ARHGAP23: variants seen among roughly 807,000 people sequenced by gnomAD.
ARHGAP23 encodes the protein rho GTPase-activating protein 23.
A neutral mutation model predicts 136.3 loss-of-function variants in ARHGAP23; 34 were observed. The observed-to-expected ratio is 0.25, with a 90% confidence interval of 0.19 to 0.33. The LOEUF (loss-of-function observed/expected upper bound fraction) is 0.33, where lower values mean the gene tolerates loss of function less well. ARHGAP23 is among the 10% of genes least tolerant of loss of function. The pLI, the probability that ARHGAP23 is intolerant of heterozygous loss-of-function variation, is 1.00. For synonymous variants in ARHGAP23, 832 were observed against 920.5 expected, an observed-to-expected ratio of 0.90 and a Z score of 1.74; for missense variants, 1,808 against 2,139.0, an observed-to-expected ratio of 0.85 and a Z score of 3.05.
In ARHGAP23 at chr17:38,490,152, C is replaced by A. The variant is rs1441229386; in HGVS notation, c.3037C>A (p.Arg1013=). The A allele has an allele frequency of 6.4e-7, 1 of 1,551,710 alleles. No individual in the cohort carries two copies. The highest frequency in any genetic ancestry group is 1.4e-5 in the African/African-American group (1 of 73,162). ...CAACCGCATTGAGGACGCGCGGGAG[C>A]GAATGAGGACGCTGCGGAAGCTGGT... ...EANRIEDARE[R]MRTLRKLIRD... Residue 1013 remains arginine, a synonymous_variant, in exon 18 of 24, where the codon CGA becomes AGA. Coordinates refer to ENST00000622683, the MANE Select transcript of ARHGAP23 (RefSeq NM_001199417.2).
chr17:38,490,912 TTTTG>T (rs1306669286), intron 19 of ARHGAP23, among the ~76,000 whole-genome samples: 20 of 152,110 alleles, frequency 1.3e-4, no homozygotes, highest in Non-Finnish European at 2.2e-4. Context: ...ATTTTTTGTG[TTTTG>T]TTTGTTTGTT....
rs1182239539 is a variant in ARHGAP23 at position 38,510,423 on chromosome 17, G to C, written c.3927G>C (p.Ser1309=). Residue 1309 remains serine (S), a synonymous_variant, in exon 24 of 24, where the codon TCG becomes TCC. Transcript: ENST00000622683. The surrounding 1 kb of genome is among the most constrained non-coding windows in gnomAD (Gnocchi z 4.6). ...GRLTRRPSFS[S]HHLMPCDTLA... ...TGACACGCCGGCCGTCCTTCAGCTC[G>C]CACCACCTCATGCCCTGCGACACTC... 3 of 1,236,690 alleles carry C rather than the reference G, an allele frequency of 2.4e-6. No individual in the cohort carries two copies. The African/African-American group carries it at 4.7e-5, about 19-fold the overall frequency. 76.6% of individuals were successfully genotyped at this position (1,236,690 alleles called of 1,614,324 possible).
intron 22 of ARHGAP23, among the ~76,000 whole-genome samples, chr17:38,499,308 G>A (rs2040468895): frequency 1.3e-5 from 2 of 152,228 alleles, no homozygotes; most frequent in African/African-American, 4.8e-5. Context: ...GACCAGCGAT[G>A]CCACGCCCAG....
chr17:38,443,950 C>T (rs575715742), intron 1 of ARHGAP23, among the ~76,000 whole-genome samples: 14 of 152,208 alleles, frequency 9.2e-5, no homozygotes, highest in African/African-American at 3.4e-4. Context: ...CTAGTCTCCT[C>T]TGAAATGCAC....
chr17:38,500,702 T>G (rs1479167943), intron 23 of ARHGAP23, 74 bp downstream of exon 23: 8 of 1,342,524 alleles, frequency 6.0e-6, no homozygotes, highest in Non-Finnish European at 8.3e-6. Context: ...TCAAGGGAAT[T>G]GAGGGAATGG....
rs761587380 is a variant in ARHGAP23, at chr17:38,463,074, C to T, written c.350-44C>T. ...TGGTACAGGGGTTCTCAGATGGGGC[C>T]TTTGATGCCCTTTGGTCACCACTCA... On this transcript the variant is annotated intron_variant, in intron 4 of 23. Coordinates refer to ENST00000622683, the MANE Select transcript of ARHGAP23 (RefSeq NM_001199417.2). 17 of 1,546,736 alleles carry T rather than the reference C, an allele frequency of 1.1e-5. No homozygotes were observed. In the South Asian group the frequency reaches 1.6e-4, roughly 14 times the overall value.
Position 38,510,144 on chromosome 17 carries a change from G to A in ARHGAP23, c.3648G>A (p.Pro1216=), listed in dbSNP as rs2040722360. 5.5e-6 allele frequency: 7 copies of A among 1,273,734 alleles called. No homozygotes were observed. Among genetic ancestry groups the A allele is most frequent in the South Asian group, 3.1e-5 (1 of 32,036 alleles). 78.9% of individuals were successfully genotyped at this position (1,273,734 alleles called of 1,614,324 possible). ...GGACTCAGGAGCGGCCGCAGGGGCC[G>A]CTGCCTGGCGCCGTCGCCCCCGAGG... ...APGTQERPQG[P]LPGAVAPEAP... Residue 1216 remains proline, a synonymous_variant, in exon 24 of 24, where the codon CCG becomes CCA. Transcript: ENST00000622683. This position sits in a 1 kb window ranked among gnomAD's most constrained non-coding sequence, Gnocchi z 4.6.
At chr17:38,509,180 AAAAC>A (rs2040700356) in intron 23 of ARHGAP23, among the ~76,000 whole-genome samples, 1 of 152,240 alleles carries the variant, frequency 6.6e-6, no homozygotes, top group East Asian at 1.9e-4. Context: ...CCAAGGCCCC[AAAAC>A]ACCACAGGGT....
At chr17:38,453,422 C>CGTGCGTGTGT (rs1207926903) in intron 1 of ARHGAP23, among the ~76,000 whole-genome samples, 1 of 116,588 alleles carries the variant, frequency 8.6e-6, no homozygotes. Context: ...CGTATGCGTG[C>CGTGCGTGTGT]GTGTGTGTGT....
In ARHGAP23 at chr17:38,482,537, C is replaced by CGT. The variant is rs1567814920; in HGVS notation, c.2768_2769dup (p.Ala924TrpfsTer54). The CGT allele has an allele frequency of 6.5e-7, 1 of 1,547,508 alleles. No homozygotes were observed. The highest frequency in any genetic ancestry group is 8.7e-7 in the Non-Finnish European group (1 of 1,144,274). ...TGTGTCCCCAGCGCGTCCCCTTAAT[C>CGT]GTGGCTGCATGCTGTCGCATTGTGG... On this transcript the variant is annotated frameshift_variant, in exon 16 of 24. Transcript: ENST00000622683. LOFTEE classifies it high-confidence loss of function.
chr17:38,486,647 G>A (rs2040167828), intron 17 of ARHGAP23, among the ~76,000 whole-genome samples: 1 of 151,722 alleles, frequency 6.6e-6, no homozygotes. Context: ...TCCCTTTCAC[G>A]GGAGGTTGTG....
chr17:38,475,850 T>C (rs1346352993), intron 11 of ARHGAP23, among the ~76,000 whole-genome samples: 2 of 151,918 alleles, frequency 1.3e-5, no homozygotes, highest in Non-Finnish European at 1.5e-5. Flanking sequence ...GGGAGCTGCA[T>C]TGAGGGAAAA....
chr17:38,452,094 CCT>C (rs917931055), intron 1 of ARHGAP23: 2 of 152,642 alleles, frequency 1.3e-5, no homozygotes, highest in African/African-American at 4.8e-5. Flanking sequence ...CCTCACCCTT[CCT>C]CTCTCTTCCT....
intron 12 of ARHGAP23, among the ~76,000 whole-genome samples, chr17:38,478,873 C>A (rs1335698440): frequency 6.6e-6 from 1 of 152,182 alleles, no homozygotes; most frequent in Admixed American, 6.5e-5. Flanking sequence ...GGGTCTCTGC[C>A]AAGAGGGCAG....
chr17:38,481,619 TGTG>T (rs2040044496), intron 14 of ARHGAP23, among the ~76,000 whole-genome samples: 1 of 152,082 alleles, frequency 6.6e-6, no homozygotes, highest in Non-Finnish European at 1.5e-5. Flanking sequence ...ATTAGCCAGG[TGTG>T]GTGGTATGAG....
intron 17 of ARHGAP23, among the ~76,000 whole-genome samples, chr17:38,489,266 T>TA (rs777840678): frequency 1.3e-5 from 2 of 152,244 alleles, no homozygotes; most frequent in Non-Finnish European, 2.9e-5. Context: ...CTTAGGATTA[T>TA]AAAAATATTT....
At position 38,466,862 on chromosome 17, in the gene ARHGAP23, A is replaced by G; in HGVS notation, c.1179A>G (p.Pro393=). ...CGTCTGCCCGCACCCCCGCCTGCCC[A>G]ACTCGGGACCTGCCAGGGCCCCAGG... ...QRSSARTPAC[P]TRDLPGPQAP... The change falls in exon 7 of 24, where the codon CCA becomes CCG. Residue 393 remains proline, a synonymous_variant. Transcript: ENST00000622683. The G allele has an allele frequency of 1.9e-6, 3 of 1,549,442 alleles. No homozygotes were observed. Among genetic ancestry groups the G allele is most frequent in the Non-Finnish European group, 2.6e-6 (3 of 1,146,704 alleles).
upstream of ARHGAP23, among the ~76,000 whole-genome samples, chr17:38,427,462 GAAAAAA>G (rs11408302): frequency 1.4e-3 from 198 of 144,766 alleles, 1 homozygote; most frequent in African/African-American, 4.7e-3. Flanking sequence ...AGACCCTGCC[GAAAAAA>G]AAAAAAGGAA....
At chr17:38,458,980 A>G (rs540656927) in intron 2 of ARHGAP23, among the ~76,000 whole-genome samples, 4 of 152,322 alleles carry the variant, frequency 2.6e-5, no homozygotes, top group Admixed American at 6.5e-5. Context: ...CCTGACCCCA[A>G]TCCAAGGCTG....
Sources: allele counts gnomAD v4.1 joint callset (sites outside exome capture counted in the v4.1 genomes callset), GRCh38; gene constraint gnomAD v4.1.1; non-coding constraint Gnocchi (gnomAD v3.1); transcripts MANE v1.5; gene names NCBI Gene and HGNC (gene_info 2026-07-23, HGNC 2026-07-21).